RBM33: variants seen among roughly 807,000 people sequenced by gnomAD.
RBM33 encodes RNA-binding protein 33.
A neutral mutation model predicts 132.6 loss-of-function variants in RBM33; 28 were observed. The ratio of observed to expected loss-of-function variants is 0.21; its 90% CI spans 0.16 to 0.29. The LOEUF is 0.29. Ranked by LOEUF, RBM33 falls within the 10% of genes least tolerant of loss-of-function variation. The pLI, the probability that RBM33 is intolerant of heterozygous loss-of-function variation, is 1.00. For synonymous variants in RBM33, 634 were observed against 593.0 expected (o/e 1.07, Z -1.01); for missense variants, 1,291 against 1,518.5 (o/e 0.85, Z 2.49).
At chr7:155,663,800 T>C (rs943166286) in intron 1 of RBM33, among the ~76,000 whole-genome samples, 2 of 152,182 alleles carry the variant, frequency 1.3e-5, no homozygotes, top group African/African-American at 4.8e-5. Flanking sequence ...AGGTAGACTC[T>C]TTCTGGGGAG....
At chr7:155,697,225 A>G (rs1168481882) in intron 5 of RBM33, among the ~76,000 whole-genome samples, 1 of 152,128 alleles carries the variant, frequency 6.6e-6, no homozygotes, top group Non-Finnish European at 1.5e-5. Flanking sequence ...TAGATTTGGA[A>G]TTCTTCAGGT....
intron 16 of RBM33, 80 bp downstream of exon 16, chr7:155,766,735 C>T (rs1218650298): frequency 1.5e-6 from 2 of 1,365,138 alleles, no homozygotes; most frequent in Admixed American, 2.0e-5. Context: ...AAACACAGTG[C>T]CCTTTGTGTT....
intron 1 of RBM33, among the ~76,000 whole-genome samples, chr7:155,645,831 A>C (rs1798171780): frequency 6.6e-6 from 1 of 152,226 alleles, no homozygotes; most frequent in African/African-American, 2.4e-5. Flanking sequence ...AGTATTTTTT[A>C]GTAAATGCTA....
intron 8 of RBM33, 146 bp downstream of exon 8, chr7:155,711,601 G>T: frequency 1.9e-6 from 1 of 535,388 alleles, no homozygotes; most frequent in African/African-American, 2.0e-5. Flanking sequence ...CGAATGTTGA[G>T]ATTTGATCTC....
intron 3 of RBM33, among the ~76,000 whole-genome samples, chr7:155,673,940 G>GTTGTTTTTTGTTTTTT: frequency 1.3e-4 from 7 of 54,214 alleles, no homozygotes; most frequent in African/African-American, 4.1e-4. Context: ...TTTAGGCTTA[G>GTTGTTTTTTGTTTTTT]TTTTTTTTTT....
At chr7:155,655,534 C>CGTTTTTTTTTTT in intron 1 of RBM33, among the ~76,000 whole-genome samples, 1 of 80,114 alleles carries the variant, frequency 1.2e-5, no homozygotes, top group Non-Finnish European at 2.2e-5. Flanking sequence ...GGCTGTTTGC[C>CGTTTTTTTTTTT]TTTTTTTTTT....
intron 14 of RBM33, among the ~76,000 whole-genome samples, chr7:155,748,699 A>G (rs1442951718): frequency 1.3e-5 from 2 of 151,488 alleles, no homozygotes; most frequent in African/African-American, 2.4e-5. Flanking sequence ...GTGGTTAATT[A>G]TATCGCCTTT....
chr7:155,727,643 T>TA (rs1324816702), intron 9 of RBM33, among the ~76,000 whole-genome samples: 1 of 152,348 alleles, frequency 6.6e-6, no homozygotes, highest in Non-Finnish European at 1.5e-5. Flanking sequence ...GCTTAAACGT[T>TA]AAAAAAATTA....
chr7:155,776,380 C>G lies in RBM33; in HGVS notation c.*1339C>G, dbSNP rs1802608332. On this transcript the variant is annotated 3_prime_UTR_variant, in exon 18 of 18. Coordinates refer to ENST00000401878, the MANE Select transcript of RBM33 (RefSeq NM_053043.3). This position sits in a 1 kb window ranked among gnomAD's most constrained non-coding sequence, Gnocchi z 4.0. ...GGAAATAGAAGCCCGTTCTTTCTTACTGCCCCTGGAGGGAGCATGGCGCTA... is the reference window on the plus strand; with the variant it reads ...GGAAATAGAAGCCCGTTCTTTCTTAGTGCCCCTGGAGGGAGCATGGCGCTA... The G allele has an allele frequency of 6.6e-6, 1 of 152,260 alleles. No individual in the cohort carries two copies. Among genetic ancestry groups the G allele is most frequent in the Non-Finnish European group, 1.5e-5 (1 of 68,038 alleles). 9.4% of individuals were successfully genotyped at this position (152,260 alleles called of 1,614,324 possible).
At chr7:155,753,012 A>G (rs1465215952) in intron 14 of RBM33, among the ~76,000 whole-genome samples, 1 of 152,116 alleles carries the variant, frequency 6.6e-6, no homozygotes, top group Non-Finnish European at 1.5e-5. Context: ...CAGGTACATT[A>G]TAAATGTTTA....
intron 9 of RBM33, among the ~76,000 whole-genome samples, chr7:155,725,541 A>G (rs567188100): frequency 2.0e-5 from 3 of 152,310 alleles, no homozygotes; most frequent in South Asian, 4.1e-4. Flanking sequence ...AATTGTAACT[A>G]CATAAAATTG....
At chr7:155,729,676 G>A (rs1160809155) in intron 9 of RBM33, among the ~76,000 whole-genome samples, 1 of 151,198 alleles carries the variant, frequency 6.6e-6, no homozygotes, top group African/African-American at 2.4e-5. Flanking sequence ...GTTTGAGGAT[G>A]CAGTGAGCTG....
rs574765953 is a variant in RBM33, at chr7:155,673,703, TACAC to T, written c.171+791_171+794del. On this transcript the variant is annotated intron_variant, in intron 3 of 17. Transcript: ENST00000401878. ...GTATATATATACACACATATATACA[TACAC>T]ACGTGTATATATATACACACACATA... Among the ~76,000 whole-genome samples the T allele has an allele frequency of 4.6e-3, 584 of 127,648 alleles. 108 individuals are homozygous for T. Among genetic ancestry groups the T allele is most frequent in the African/African-American group, 0.02 (556 of 27,592 alleles). 83.7% of individuals were successfully genotyped at this position (127,648 alleles called of 152,430 possible).
chr7:155,693,627 A>G (rs1318193787), intron 5 of RBM33, among the ~76,000 whole-genome samples: 1 of 137,710 alleles, frequency 7.3e-6, no homozygotes, highest in African/African-American at 2.4e-5. Context: ...TTTTGTGATG[A>G]TGGCAGGTTC....
intron 5 of RBM33, among the ~76,000 whole-genome samples, chr7:155,682,065 C>A (rs371963687): frequency 1.3e-5 from 2 of 152,002 alleles, no homozygotes; most frequent in Non-Finnish European, 2.9e-5. Flanking sequence ...AGATTACAGG[C>A]GCCCACCATC....
At chr7:155,673,847 T>C (rs1041838075) in intron 3 of RBM33, among the ~76,000 whole-genome samples, 49 of 148,898 alleles carry the variant, frequency 3.3e-4, no homozygotes, top group African/African-American at 1.2e-3. Flanking sequence ...AAAAGTAGAA[T>C]GTATAGCGAG....
rs1563171048 is a variant in RBM33 at position 155,741,990 on chromosome 7, T to C, written c.2221T>C (p.Ser741Pro). 2 of 1,613,820 alleles carry C rather than the reference T, an allele frequency of 1.2e-6. No individual in the cohort carries two copies. The highest frequency in any genetic ancestry group is 1.3e-5 in the African/African-American group (1 of 74,904). Reference sequence around the variant, plus strand: ...ACAAGTGAAACCTATCGTCAGCGCGTCACCACCCTCGCGGGCCGTGGCGGG... The same window carrying C: ...ACAAGTGAAACCTATCGTCAGCGCGCCACCACCCTCGCGGGCCGTGGCGGG... ...SAQVKPIVSA[S>P]PPSRAVAGSR... Residue 741 changes from serine (S) to proline (P), a missense_variant, in exon 13 of 18, where the codon TCA becomes CCA. Coordinates refer to ENST00000401878, the MANE Select transcript of RBM33 (RefSeq NM_053043.3).
At chr7:155,753,664 C>T (rs1716230296) in intron 14 of RBM33, among the ~76,000 whole-genome samples, 1 of 152,196 alleles carries the variant, frequency 6.6e-6, no homozygotes, top group Non-Finnish European at 1.5e-5. Flanking sequence ...CAGGCCAGTT[C>T]TGGGAAGACT....
At chr7:155,690,817 G>A (rs1248915600) in intron 5 of RBM33, among the ~76,000 whole-genome samples, 2 of 152,158 alleles carry the variant, frequency 1.3e-5, no homozygotes, top group African/African-American at 2.4e-5. Flanking sequence ...CTGGCTTGTA[G>A]AGTTTCTGCT....
Sources: allele counts gnomAD v4.1 joint callset (sites outside exome capture counted in the v4.1 genomes callset), GRCh38; gene constraint gnomAD v4.1.1; non-coding constraint Gnocchi (gnomAD v3.1); transcripts MANE v1.5; gene names NCBI Gene and HGNC (gene_info 2026-07-23, HGNC 2026-07-21).